DLC1: variants seen among roughly 807,000 people sequenced by gnomAD.
The protein encoded by DLC1 is DLC1 Rho GTPase activating protein, also known as rho GTPase-activating protein 7.
In DLC1, 54 loss-of-function variants were observed where a neutral mutation model predicts 140.3. The observed-to-expected ratio is 0.38, with a 90% CI of 0.31 to 0.48. The LOEUF (loss-of-function observed/expected upper bound fraction) is 0.48, where lower values mean the gene tolerates loss of function less well. Among genes scored for constraint, DLC1 ranks in the 20% least tolerant of loss-of-function variants. The pLI is 0.96. For synonymous variants in DLC1, 986 were observed against 728.1 expected (o/e 1.35, Z -5.70); for missense variants, 2,536 against 1,907.0 (o/e 1.33, Z -6.14).
At chr8:13,123,506 A>AT (rs1284849322) in intron 5 of DLC1, among the ~76,000 whole-genome samples, 1 of 102,876 alleles carries the variant, frequency 9.7e-6, no homozygotes. Flanking sequence ...ACAATGAGCT[A>AT]ATTTTTTTTT....
intron 1 of DLC1, among the ~76,000 whole-genome samples, chr8:13,551,259 A>G (rs1026905768): frequency 6.6e-6 from 1 of 152,108 alleles, no homozygotes; most frequent in Admixed American, 6.6e-5. Context: ...TTAGATGTTC[A>G]ATCTAGCATG....
intron 1 of DLC1, among the ~76,000 whole-genome samples, chr8:13,581,685 G>A (rs575715630): frequency 6.6e-6 from 1 of 152,208 alleles, no homozygotes; most frequent in African/African-American, 2.4e-5. Context: ...TGAAGGTAGG[G>A]TAATCTTTCA....
Position 13,467,279 on chromosome 8 carries a change from G to A in DLC1, c.1023+31770C>T, listed in dbSNP as rs10096874. Among the ~76,000 whole-genome samples the A allele has an allele frequency of 3.3e-5, 5 of 152,144 alleles. 1 individual carries two copies. The South Asian group carries it at 8.3e-4, about 25-fold the overall frequency. ...AAAAATTTGATTTTTCACCTGCCCC[G>A]TTGGAATGTAGTTCCACTTCAAGTT... On this transcript the variant is annotated intron_variant, in intron 2 of 17. Transcript: ENST00000276297.
chr8:13,256,466 C>T (rs1170757951), intron 5 of DLC1, among the ~76,000 whole-genome samples: 1 of 152,060 alleles, frequency 6.6e-6, no homozygotes, highest in Non-Finnish European at 1.5e-5. Flanking sequence ...GACTTGGAAC[C>T]AACTCAAATG....
Position 13,456,188 on chromosome 8 carries a change from A to G in DLC1, c.1023+42861T>C, listed in dbSNP as rs74938456. Among the ~76,000 whole-genome samples, 478 of 152,258 alleles carry G rather than the reference A, an allele frequency of 3.1e-3. 6 individuals are homozygous for G. Among genetic ancestry groups the G allele is most frequent in the African/African-American group, 7.7e-3 (322 of 41,562 alleles). On this transcript the variant is annotated intron_variant, in intron 2 of 17. Transcript: ENST00000276297. ...CTAATAACTTCAGTTTAGTTTCTAA[A>G]CATTTTGGCCTTTGCATCTATAGAT...
chr8:13,162,524 T>C (rs1406851106), intron 5 of DLC1, among the ~76,000 whole-genome samples: 1 of 152,192 alleles, frequency 6.6e-6, no homozygotes, highest in Non-Finnish European at 1.5e-5. Context: ...GGTTTCACCA[T>C]GTTGGCCAGG....
intron 1 of DLC1, among the ~76,000 whole-genome samples, chr8:13,588,897 G>T (rs1159309161): frequency 6.6e-6 from 1 of 152,016 alleles, no homozygotes; most frequent in African/African-American, 2.4e-5. Flanking sequence ...AAGTGAGGAG[G>T]GAGAAGGTCA....
chr8:13,275,078 C>T (rs1164050517), intron 5 of DLC1, among the ~76,000 whole-genome samples: 1 of 152,156 alleles, frequency 6.6e-6, no homozygotes, highest in Admixed American at 6.6e-5. Context: ...TATTTTGCTC[C>T]CTTCCCTACC....
At chr8:13,568,117 A>G in intron 1 of DLC1, 2 of 769,438 alleles carry the variant, frequency 2.6e-6, no homozygotes, top group Non-Finnish European at 4.0e-6. Flanking sequence ...TGGAATAGTT[A>G]TAAAAACTTT....
intron 5 of DLC1, among the ~76,000 whole-genome samples, chr8:13,263,308 T>C (rs914424835): frequency 6.6e-6 from 1 of 152,212 alleles, no homozygotes; most frequent in African/African-American, 2.4e-5. Context: ...CTTTTTCTAA[T>C]TCTCAGATGG....
intron 4 of DLC1, among the ~76,000 whole-genome samples, chr8:13,357,068 A>G (rs940072586): frequency 1.3e-5 from 2 of 152,058 alleles, no homozygotes; most frequent in African/African-American, 4.8e-5. Context: ...CAGGAGTTTG[A>G]GACCAGCCTA....
intron 5 of DLC1, among the ~76,000 whole-genome samples, chr8:13,160,697 A>T (rs982708999): frequency 1.3e-5 from 2 of 152,182 alleles, no homozygotes; most frequent in Non-Finnish European, 2.9e-5. Context: ...GAGGGCTTTG[A>T]TTAGGGACGG....
intron 4 of DLC1, among the ~76,000 whole-genome samples, chr8:13,323,585 T>C (rs118114301): frequency 8.2e-4 from 125 of 152,296 alleles, no homozygotes; most frequent in Non-Finnish European, 1.5e-3. Context: ...ATATTTTAAG[T>C]GAAAGTAGGA....
At chr8:13,494,605 T>A (rs10106280) in intron 2 of DLC1, among the ~76,000 whole-genome samples, 108,792 of 151,996 alleles carry the variant, frequency 0.72, 41,157 homozygotes, top group Middle Eastern at 0.88. Flanking sequence ...ATATGTCATT[T>A]GAACCACTAT....
intron 4 of DLC1, among the ~76,000 whole-genome samples, chr8:13,379,138 G>T (rs568128564): frequency 6.6e-6 from 1 of 152,044 alleles, no homozygotes; most frequent in Admixed American, 6.6e-5. Context: ...CAAGAAAAAC[G>T]GTTCTTTAGT....
intron 5 of DLC1, among the ~76,000 whole-genome samples, chr8:13,202,906 C>A (rs1158535713): frequency 6.6e-6 from 1 of 151,948 alleles, no homozygotes; most frequent in African/African-American, 2.4e-5. Flanking sequence ...ACTCCTGGGC[C>A]CAAGTAATCC....
chr8:13,303,738 G>T (rs1432112889), intron 5 of DLC1, among the ~76,000 whole-genome samples: 12 of 152,200 alleles, frequency 7.9e-5, no homozygotes, highest in Non-Finnish European at 5.9e-5. Context: ...GGAGGTGGAG[G>T]TTGCAGTGAG....
intron 2 of DLC1, among the ~76,000 whole-genome samples, chr8:13,473,449 C>T (rs1196675452): frequency 2.0e-5 from 3 of 152,124 alleles, no homozygotes; most frequent in African/African-American, 7.2e-5. Flanking sequence ...CTTGCTTCTT[C>T]TTCCTTCTGC....
chr8:13,451,462 T>A (rs1563357952), intron 2 of DLC1, among the ~76,000 whole-genome samples: 2 of 152,176 alleles, frequency 1.3e-5, no homozygotes, highest in African/African-American at 4.8e-5. Flanking sequence ...ATAGTAGGTC[T>A]TATTCATTCT....
Sources: allele counts gnomAD v4.1 joint callset (sites outside exome capture counted in the v4.1 genomes callset), GRCh38; gene constraint gnomAD v4.1.1; transcripts MANE v1.5; gene names NCBI Gene and HGNC (gene_info 2026-07-23, HGNC 2026-07-21).